OR10H5: variants seen among roughly 807,000 people sequenced by gnomAD.
OR10H5 encodes olfactory receptor family 10 subfamily H member 5.
A neutral mutation model predicts 12.2 loss-of-function variants in OR10H5; 7 were observed. The ratio of observed to expected loss-of-function variants is 0.57; its 90% CI spans 0.33 to 1.07. OR10H5 has a LOEUF of 1.07. OR10H5 is among the 50% of genes least tolerant of loss of function. The probability of loss-of-function intolerance (pLI) is 0.04; values close to 1 mark genes in which losing one functional copy is unlikely to be tolerated. For synonymous variants in OR10H5, 159 were observed against 175.1 expected (o/e 0.91, Z 0.73); for missense variants, 346 against 411.6 (o/e 0.84, Z 1.38).
intron 1 of OR10H5, among the ~76,000 whole-genome samples, chr19:15,792,254 T>C (rs138495893): frequency 1.7e-3 from 254 of 152,326 alleles, no homozygotes; most frequent in African/African-American, 5.8e-3. Context: ...CTAAAGATTA[T>C]TATGTGATAT....
rs775742889 is a variant in OR10H5, at chr19:15,794,751, C to G, written c.703C>G (p.Arg235Gly). 1 of 1,613,264 alleles carries G rather than the reference C, an allele frequency of 6.2e-7. No homozygotes were observed. Among genetic ancestry groups the G allele is most frequent in the South Asian group, 1.1e-5 (1 of 91,054 alleles). ...AILKIPSAEG[R>G]NKAFSTCASH... ...CTTGAAGATCCCTTCTGCTGAAGGT[C>G]GGAACAAGGCCTTCTCCACCTGTGC... The change falls in exon 2 of 2, where the codon CGG becomes GGG. Residue 235 changes from arginine (R) to glycine (G), a missense_variant. Transcript: ENST00000642092.
At chr19:15,790,113 G>C (rs2088802923) in intron 1 of OR10H5, among the ~76,000 whole-genome samples, 1 of 152,124 alleles carries the variant, frequency 6.6e-6, no homozygotes, top group Admixed American at 6.6e-5. Context: ...AGTAACATTT[G>C]TGCATTTAGG....
chr19:15,791,680 G>A (rs1171490140), intron 1 of OR10H5, among the ~76,000 whole-genome samples: 1 of 151,206 alleles, frequency 6.6e-6, no homozygotes, highest in Non-Finnish European at 1.5e-5. Flanking sequence ...CCCTTTGTTT[G>A]CATGAATTAT....
At chr19:15,789,060 G>C (rs1450190261) in intron 1 of OR10H5, among the ~76,000 whole-genome samples, 1 of 152,078 alleles carries the variant, frequency 6.6e-6, no homozygotes, top group Non-Finnish European at 1.5e-5. Flanking sequence ...CCCAGTGTGT[G>C]TTGTTCCCCT....
chr19:15,790,417 C>T (rs929402272), intron 1 of OR10H5, among the ~76,000 whole-genome samples: 2 of 152,194 alleles, frequency 1.3e-5, no homozygotes, highest in Non-Finnish European at 2.9e-5. Flanking sequence ...GCCCAGGGAA[C>T]CCCCAGGGCA....
In OR10H5 at chr19:15,794,067, A is replaced by G; in HGVS notation, c.19A>G (p.Thr7Ala). 6.2e-7 allele frequency: 1 copy of G among 1,613,164 alleles called. No individual in the cohort carries two copies. Among genetic ancestry groups the G allele is most frequent in the Non-Finnish European group, 8.5e-7 (1 of 1,179,706 alleles). The change falls in exon 2 of 2, where the codon ACC becomes GCC. Residue 7 changes from threonine (T) to alanine (A), a missense_variant. Coordinates refer to ENST00000642092, the MANE Select transcript of OR10H5 (RefSeq NM_001004466.2). The part of the protein sequence containing the change: MQGLNH[T>A]SVSEFILVGF... ...GGCCGCCATGCAGGGGCTAAACCAC[A>G]CCTCCGTGTCTGAATTCATCCTCGT...
intron 1 of OR10H5, among the ~76,000 whole-genome samples, chr19:15,791,154 T>A (rs1330570595): frequency 6.6e-6 from 1 of 152,174 alleles, no homozygotes; most frequent in African/African-American, 2.4e-5. Context: ...GAGACCAGCC[T>A]GGCCAACATG....
rs949603435 is a variant in OR10H5, at chr19:15,797,430, A to G, written c.*2434A>G. On this transcript the variant is annotated 3_prime_UTR_variant, in exon 2 of 2. Coordinates refer to ENST00000642092, the MANE Select transcript of OR10H5 (RefSeq NM_001004466.2). Reference sequence around the variant, plus strand: ...GCAGGAAAGGTGGCTTCTGGGTTATATCCAAGATGTGTCATTGTGGTTCCC... The same window carrying G: ...GCAGGAAAGGTGGCTTCTGGGTTATGTCCAAGATGTGTCATTGTGGTTCCC... The G allele has an allele frequency of 5.9e-5, 9 of 152,196 alleles. No homozygotes were observed. Among genetic ancestry groups the G allele is most frequent in the African/African-American group, 2.2e-4 (9 of 41,446 alleles). The allele number at this position is 152,196 out of a possible 1,614,324, so 9.4% of individuals were successfully genotyped here. A position where few individuals can be genotyped will look rare whatever the true frequency, so the allele number is the denominator to read the frequency against.
At position 15,797,821 on chromosome 19, in the gene OR10H5, G is replaced by A. The variant is rs916951174; in HGVS notation, c.*2825G>A. 2.6e-5 allele frequency: 4 copies of A among 151,998 alleles called. No individual in the cohort carries two copies. The highest frequency in any genetic ancestry group is 9.7e-5 in the African/African-American group (4 of 41,368). The allele number at this position is 151,998 out of a possible 1,614,324, so 9.4% of individuals were successfully genotyped here. The stretch of plus-strand genomic sequence containing the variant: ...CCAGCACTTTGGGAAGCCGAGGCAG[G>A]TGGATCATTTGAAGTCAGGAGTTCG... On this transcript the variant is annotated 3_prime_UTR_variant, in exon 2 of 2. Transcript: ENST00000642092.
At position 15,794,076 on chromosome 19, in the gene OR10H5, T is replaced by C; in HGVS notation, c.28T>C (p.Ser10Pro). The change falls in exon 2 of 2, where the codon TCT (serine) becomes CCT (proline). Residue 10 changes from serine to proline, a missense_variant. Transcript: ENST00000642092. Reference protein sequence around the residue: MQGLNHTSVSEFILVGFSAF... With the variant: MQGLNHTSVPEFILVGFSAF... ...GCAGGGGCTAAACCACACCTCCGTG[T>C]CTGAATTCATCCTCGTTGGCTTCTC... The C allele has an allele frequency of 2.5e-6, 4 of 1,613,916 alleles. No individual in the cohort carries two copies. Among genetic ancestry groups the C allele is most frequent in the Non-Finnish European group, 3.4e-6 (4 of 1,179,950 alleles).
intron 1 of OR10H5, among the ~76,000 whole-genome samples, chr19:15,789,805 A>T (rs1420676071): frequency 1.5e-5 from 2 of 137,468 alleles, no homozygotes. Context: ...TTTTTGAGAC[A>T]GGGTCTCGCT....
At chr19:15,790,865 C>T (rs1446377064) in intron 1 of OR10H5, among the ~76,000 whole-genome samples, 1 of 152,136 alleles carries the variant, frequency 6.6e-6, no homozygotes, top group Non-Finnish European at 1.5e-5. Flanking sequence ...TAGTTAGTGA[C>T]AATCTTCTAG....
chr19:15,794,036 AG>A lies in OR10H5; in HGVS notation c.-9del. 1 of 1,604,232 alleles carries A rather than the reference AG, an allele frequency of 6.2e-7. No homozygotes were observed. The highest frequency in any genetic ancestry group is 8.5e-7 in the Non-Finnish European group (1 of 1,174,140). On this transcript the variant is annotated splice_acceptor_variant, in intron 1 of 1. Transcript: ENST00000642092. LOFTEE classifies it low-confidence loss of function (5UTR_SPLICE). ...GTCTTCTTTCCTCTCTCCACCAACT[AG>A]GGGTGGCCGCCATGCAGGGGCTAAA...
rs1258579682 is a variant in OR10H5, at chr19:15,795,910, G to T, written c.*914G>T. ...CCCACCTCAGCCTCCAGAGAAGCTA[G>T]CACTGCAGATGCATGCCACCACAAG... On this transcript the variant is annotated 3_prime_UTR_variant, in exon 2 of 2. Transcript: ENST00000642092. The T allele has an allele frequency of 6.6e-6, 1 of 152,314 alleles. No homozygotes were observed. The highest frequency in any genetic ancestry group is 2.4e-5 in the African/African-American group (1 of 41,430). The allele number at this position is 152,314 out of a possible 1,614,324, so 9.4% of individuals were successfully genotyped here.
At position 15,798,133 on chromosome 19, in the gene OR10H5, T is replaced by C. The variant is rs1479752559; in HGVS notation, c.*3137T>C. The stretch of plus-strand genomic sequence containing the variant: ...GGCCCCTTACATTGGGTGCTCAAAG[T>C]GACTGCCTTATCTCCCCACAAAGGA... On this transcript the variant is annotated 3_prime_UTR_variant, in exon 2 of 2. Transcript: ENST00000642092. The C allele has an allele frequency of 6.7e-6, 1 of 150,078 alleles. No homozygotes were observed. Among genetic ancestry groups the C allele is most frequent in the Non-Finnish European group, 1.5e-5 (1 of 67,862 alleles). The allele number at this position is 150,078 out of a possible 1,614,324, so 9.3% of individuals were successfully genotyped here.
rs1475455004 is a variant in OR10H5 at position 15,799,034 on chromosome 19, G to C, written c.*4038G>C. On this transcript the variant is annotated 3_prime_UTR_variant, in exon 2 of 2. Coordinates refer to ENST00000642092, the MANE Select transcript of OR10H5 (RefSeq NM_001004466.2). Reference sequence around the variant, plus strand: ...GGCCTCCCAAGGTGCCGGGATTACAGGTGTGAGCCACCACATCCAGCCAGA... The same window carrying C: ...GGCCTCCCAAGGTGCCGGGATTACACGTGTGAGCCACCACATCCAGCCAGA... The C allele has an allele frequency of 1.3e-5, 2 of 152,146 alleles. No homozygotes were observed. Among genetic ancestry groups the C allele is most frequent in the Non-Finnish European group, 1.5e-5 (1 of 68,036 alleles). 9.4% of individuals were successfully genotyped at this position (152,146 alleles called of 1,614,324 possible).
chr19:15,787,972 C>G (rs570827187), intron 1 of OR10H5, among the ~76,000 whole-genome samples: 10 of 152,308 alleles, frequency 6.6e-5, no homozygotes, highest in Admixed American at 4.6e-4. Context: ...AGAGCAGCCC[C>G]CTTTCCACAG....
At position 15,798,671 on chromosome 19, in the gene OR10H5, A is replaced by G. The variant is rs1311851642; in HGVS notation, c.*3675A>G. The G allele has an allele frequency of 1.3e-5, 2 of 151,158 alleles. No homozygotes were observed. The highest frequency in any genetic ancestry group is 4.9e-5 in the African/African-American group (2 of 41,046). 9.4% of individuals were successfully genotyped at this position (151,158 alleles called of 1,614,324 possible). On this transcript the variant is annotated 3_prime_UTR_variant, in exon 2 of 2. Coordinates refer to ENST00000642092, the MANE Select transcript of OR10H5 (RefSeq NM_001004466.2). ...CTCCTTGCATGTGGATAAAAATTCA[A>G]TCCCCTCCTCATGGAGGTTGTCCCT...
At chr19:15,788,402 C>T (rs375016612) in intron 1 of OR10H5, among the ~76,000 whole-genome samples, 20 of 152,118 alleles carry the variant, frequency 1.3e-4, no homozygotes, top group Admixed American at 7.2e-4. Flanking sequence ...TCTCTCTTCA[C>T]GCGACCTTTT....
Sources: gnomAD v4.1 joint callset for allele counts (sites outside exome capture counted in the v4.1 genomes callset) on GRCh38, gnomAD v4.1.1 for gene constraint, MANE v1.5 for transcripts, NCBI Gene and HGNC (gene_info 2026-07-23, HGNC 2026-07-21) for gene names.